The following PRKN variants were observed in gnomAD, a reference collection of about 807,000 sequenced individuals.
PRKN encodes parkin RBR E3 ubiquitin protein ligase.
In PRKN, 56 loss-of-function variants were observed where a neutral mutation model predicts 59.5. The ratio of observed to expected loss-of-function variants is 0.94; its 90% confidence interval spans 0.76 to 1.18. PRKN has a LOEUF of 1.18. PRKN is among the 50% of genes most tolerant of loss of function. The pLI is 0.00. For missense variants in PRKN, 657 were observed against 596.4 expected (o/e 1.10, Z -1.06); for synonymous variants, 250 against 222.1 (o/e 1.13, Z -1.12).
rs1045324743 is a variant in PRKN, at chr6:161,584,956, T to C, written c.872-15540A>G. Reference sequence around the variant, plus strand: ...TAAAGAATGCATTGCTTCAGATCTGTCAATGAATGTCAACAATGGCTTCTC... The same window carrying C: ...TAAAGAATGCATTGCTTCAGATCTGCCAATGAATGTCAACAATGGCTTCTC... On this transcript the variant is annotated intron_variant, in intron 7 of 11. Transcript: ENST00000366898. The surrounding 1 kb of genome is among the most constrained non-coding windows in gnomAD (Gnocchi z 4.8). Among the ~76,000 whole-genome samples, 11 of 152,190 alleles carry C rather than the reference T, an allele frequency of 7.2e-5. No individual in the cohort carries two copies. Among genetic ancestry groups the C allele is most frequent in the Admixed American group, 6.5e-5 (1 of 15,284 alleles).
chr6:162,672,246 CA>C (rs1341178907), intron 1 of PRKN, among the ~76,000 whole-genome samples: 1 of 151,758 alleles, frequency 6.6e-6, no homozygotes, highest in East Asian at 1.9e-4. Flanking sequence ...TTTTTTGAAC[CA>C]AAAAGGTGCT....
intron 1 of PRKN, among the ~76,000 whole-genome samples, chr6:162,564,870 G>GA (rs36063884): frequency 1.2e-3 from 144 of 119,146 alleles, no homozygotes; most frequent in Non-Finnish European, 1.4e-3. Flanking sequence ...ACTTCAATCA[G>GA]AAAAAAAAAA....
At chr6:162,441,526 G>A (rs1358783262) in intron 2 of PRKN, among the ~76,000 whole-genome samples, 2 of 152,096 alleles carry the variant, frequency 1.3e-5, no homozygotes, top group Non-Finnish European at 2.9e-5. Flanking sequence ...GTGCGATACG[G>A]CAGTTATGTT....
chr6:161,352,732 T>TGTGTGTGA lies in PRKN; in HGVS notation c.1286-2522_1286-2521insTCACACAC. Among the ~76,000 whole-genome samples the TGTGTGTGA allele has an allele frequency of 8.6e-6, 1 of 115,718 alleles. No homozygotes were observed. Among genetic ancestry groups the TGTGTGTGA allele is most frequent in the African/African-American group, 3.6e-5 (1 of 27,524 alleles). 75.9% of individuals were successfully genotyped at this position (115,718 alleles called of 152,430 possible). A position where few individuals can be genotyped will look rare whatever the true frequency, so the allele number is the denominator to read the frequency against. On this transcript the variant is annotated intron_variant, in intron 11 of 11. Coordinates refer to ENST00000366898, the MANE Select transcript of PRKN (RefSeq NM_004562.3). The surrounding 1 kb of genome is among the most constrained non-coding windows in gnomAD (Gnocchi z 5.8). ...AACACAAATATGTATGAAGAGTGTG[T>TGTGTGTGA]GTGTGTGTGTGTGTGTGTGTGTGTA...
chr6:161,666,311 T>C (rs1295207705), intron 7 of PRKN, among the ~76,000 whole-genome samples: 1 of 152,132 alleles, frequency 6.6e-6, no homozygotes, highest in Non-Finnish European at 1.5e-5. Flanking sequence ...GGCATTACCT[T>C]CTCATAGGAG....
At chr6:162,638,319 T>C (rs1272765201) in intron 1 of PRKN, among the ~76,000 whole-genome samples, 1 of 152,152 alleles carries the variant, frequency 6.6e-6, no homozygotes, top group Non-Finnish European at 1.5e-5. Flanking sequence ...CCCTAGCCTG[T>C]ATACGCTTGT....
At chr6:162,477,299 G>A (rs753219781) in intron 1 of PRKN, among the ~76,000 whole-genome samples, 2 of 152,124 alleles carry the variant, frequency 1.3e-5, no homozygotes, top group African/African-American at 2.4e-5. Flanking sequence ...AAATAAAGCA[G>A]GTATAGGCCA....
intron 3 of PRKN, among the ~76,000 whole-genome samples, chr6:162,204,715 T>TG (rs944029251): frequency 3.7e-5 from 2 of 54,590 alleles, no homozygotes; most frequent in South Asian, 7.4e-4. Context: ...AGAAGTTTTG[T>TG]TTTTTTTTTT....
At chr6:162,083,018 G>A (rs1019507728) in intron 4 of PRKN, among the ~76,000 whole-genome samples, 4 of 151,914 alleles carry the variant, frequency 2.6e-5, no homozygotes, top group South Asian at 2.1e-4. Context: ...GCAGTGGCGC[G>A]ATGTCAGCTC....
chr6:162,015,924 A>G (rs1295197889), intron 5 of PRKN, among the ~76,000 whole-genome samples: 1 of 152,198 alleles, frequency 6.6e-6, no homozygotes, highest in Non-Finnish European at 1.5e-5. Flanking sequence ...AAATTGACTG[A>G]AGTTCATTTA....
chr6:162,467,472 C>T (rs769573864), intron 1 of PRKN, among the ~76,000 whole-genome samples: 5 of 152,138 alleles, frequency 3.3e-5, no homozygotes, highest in Non-Finnish European at 7.3e-5. Context: ...ATGAATAGCT[C>T]ATGATAAAAA....
intron 1 of PRKN, among the ~76,000 whole-genome samples, chr6:162,701,901 G>T (rs1778171238): frequency 1.3e-5 from 2 of 148,372 alleles, no homozygotes; most frequent in African/African-American, 2.5e-5. Context: ...CCGACAAAAT[G>T]AAACCAACAG....
At chr6:162,591,020 T>C (rs998452420) in intron 1 of PRKN, among the ~76,000 whole-genome samples, 2 of 151,958 alleles carry the variant, frequency 1.3e-5, no homozygotes, top group Admixed American at 6.6e-5. Context: ...TGGGGGGCCC[T>C]CCTCTGAAGG....
chr6:161,412,429 C>CA (rs1787619729), intron 9 of PRKN, among the ~76,000 whole-genome samples: 2 of 148,464 alleles, frequency 1.3e-5, no homozygotes, highest in East Asian at 2.0e-4. Flanking sequence ...CTCATTCCTT[C>CA]CTCACTCATT....
intron 1 of PRKN, among the ~76,000 whole-genome samples, chr6:162,553,422 AG>A (rs780014699): frequency 7.6e-5 from 10 of 131,688 alleles, no homozygotes; most frequent in Non-Finnish European, 1.0e-4. Context: ...GGATAGATAT[AG>A]GGGGGGTGCT....
chr6:161,750,118 T>C (rs74298757), intron 7 of PRKN, among the ~76,000 whole-genome samples: 28,165 of 137,448 alleles, frequency 0.2, 2,747 homozygotes, highest in African/African-American at 0.26. Flanking sequence ...TATATATATA[T>C]ACACACACAC....
intron 3 of PRKN, among the ~76,000 whole-genome samples, chr6:162,252,330 G>A (rs951304135): frequency 6.6e-6 from 1 of 152,184 alleles, no homozygotes; most frequent in African/African-American, 2.4e-5. Flanking sequence ...AATAAGGTTT[G>A]CCTATCTGTA....
chr6:161,881,383 A>G (rs1236448872), intron 6 of PRKN, among the ~76,000 whole-genome samples: 1 of 152,172 alleles, frequency 6.6e-6, no homozygotes, highest in African/African-American at 2.4e-5. Flanking sequence ...CGTCGGAAAA[A>G]TGAGAGGCTA....
At chr6:162,349,759 AC>A (rs1562692548) in intron 2 of PRKN, among the ~76,000 whole-genome samples, 1 of 152,196 alleles carries the variant, frequency 6.6e-6, no homozygotes. Context: ...ACGGTAAAAG[AC>A]TGAAGGCTTT....
Sources: gnomAD v4.1 joint callset for allele counts (sites outside exome capture counted in the v4.1 genomes callset) on GRCh38, gnomAD v4.1.1 for gene constraint, Gnocchi (gnomAD v3.1) non-coding constraint, MANE v1.5 for transcripts, NCBI Gene and HGNC (gene_info 2026-07-23, HGNC 2026-07-21) for gene names.